LPP: variants seen among roughly 807,000 people sequenced by gnomAD.
The protein encoded by LPP is lipoma-preferred partner.
In LPP, 38 loss-of-function variants were observed where a neutral mutation model predicts 60.4. That is an observed-to-expected ratio of 0.63 (90% CI 0.49 to 0.83). The LOEUF (loss-of-function observed/expected upper bound fraction) is 0.83. LPP is among the 40% of genes least tolerant of loss of function. The pLI is 0.00. For synonymous variants in LPP, 328 were observed against 290.8 expected (o/e 1.13, Z -1.30); for missense variants, 902 against 783.6 (o/e 1.15, Z -1.80).
intron 6 of LPP, among the ~76,000 whole-genome samples, chr3:188,576,805 AG>A (rs1261237314): frequency 1.3e-5 from 2 of 152,202 alleles, no homozygotes; most frequent in Non-Finnish European, 2.9e-5. Context: ...CTCCATCACC[AG>A]TGAGCAGATT....
chr3:188,764,731 A>G (rs888983755), intron 9 of LPP, among the ~76,000 whole-genome samples: 1 of 152,206 alleles, frequency 6.6e-6, no homozygotes, highest in African/African-American at 2.4e-5. Flanking sequence ...GCCTAGGGAC[A>G]GAGTGCATCA....
intron 4 of LPP, among the ~76,000 whole-genome samples, chr3:188,460,862 C>A (rs1798814654): frequency 6.6e-6 from 1 of 152,084 alleles, no homozygotes; most frequent in Non-Finnish European, 1.5e-5. Flanking sequence ...CCCAGCCAGA[C>A]CTCAGCTTGT....
chr3:188,474,114 G>A (rs1363135035), intron 4 of LPP, among the ~76,000 whole-genome samples: 1 of 152,180 alleles, frequency 6.6e-6, no homozygotes, highest in Non-Finnish European at 1.5e-5. Flanking sequence ...AAGTTCATGT[G>A]TTCATTGTCT....
chr3:188,571,379 A>G (rs563938559), intron 6 of LPP, among the ~76,000 whole-genome samples: 70 of 152,178 alleles, frequency 4.6e-4, no homozygotes, highest in Admixed American at 1.4e-3. Context: ...CAATATTTTC[A>G]GAAGATAGGA....
At chr3:188,846,744 A>G (rs1560287529) in intron 9 of LPP, among the ~76,000 whole-genome samples, 1 of 151,972 alleles carries the variant, frequency 6.6e-6, no homozygotes, top group Non-Finnish European at 1.5e-5. Context: ...ACTGTAAGTA[A>G]TCTTATCTGG....
intron 6 of LPP, chr3:188,562,153 T>C (rs1830879891): frequency 6.6e-6 from 1 of 152,018 alleles, no homozygotes. Flanking sequence ...TTGCTCTTTT[T>C]ACCTCAGCCA....
At chr3:188,220,579 C>T (rs1715404646) in intron 1 of LPP, among the ~76,000 whole-genome samples, 1 of 152,186 alleles carries the variant, frequency 6.6e-6, no homozygotes, top group African/African-American at 2.4e-5. Flanking sequence ...TGATGTTGAG[C>T]TTCAGGCACA....
chr3:188,718,323 T>A (rs1714925221), intron 8 of LPP, among the ~76,000 whole-genome samples: 1 of 152,228 alleles, frequency 6.6e-6, no homozygotes, highest in South Asian at 2.1e-4. Context: ...TCCGATGGCA[T>A]GAAGAGGAAT....
At chr3:188,511,903 A>G (rs1051417913) in intron 5 of LPP, among the ~76,000 whole-genome samples, 7 of 152,126 alleles carry the variant, frequency 4.6e-5, no homozygotes, top group African/African-American at 1.7e-4. Context: ...GCTGCCTAGT[A>G]ATATTGCTGG....
chr3:188,767,396 T>G (rs1302833576), intron 9 of LPP, among the ~76,000 whole-genome samples: 2 of 152,166 alleles, frequency 1.3e-5, no homozygotes, highest in African/African-American at 4.8e-5. Context: ...AATGTATAAT[T>G]TAAAAATACT....
intron 2 of LPP, among the ~76,000 whole-genome samples, chr3:188,268,443 G>A (rs2149764921): frequency 6.6e-6 from 1 of 152,350 alleles, no homozygotes; most frequent in East Asian, 1.9e-4. Flanking sequence ...AAGAACATTT[G>A]TGGACAGAAC....
intron 9 of LPP, among the ~76,000 whole-genome samples, chr3:188,788,928 G>A (rs140160622): frequency 4.6e-5 from 7 of 152,146 alleles, no homozygotes; most frequent in East Asian, 1.9e-4. Context: ...CTGACTGTCC[G>A]TGTTGCATCA....
chr3:188,370,244 A>C (rs980101329), intron 3 of LPP, among the ~76,000 whole-genome samples: 2 of 152,106 alleles, frequency 1.3e-5, no homozygotes, highest in Non-Finnish European at 2.9e-5. Context: ...ATTATTAATC[A>C]CAGCCCACAT....
chr3:188,836,815 T>C (rs945164398), intron 9 of LPP, among the ~76,000 whole-genome samples: 2 of 152,220 alleles, frequency 1.3e-5, no homozygotes, highest in Non-Finnish European at 2.9e-5. Flanking sequence ...TTTATAAGGC[T>C]TGGTTCCCGG....
chr3:188,174,983 G>A (rs974270037), intron 1 of LPP, among the ~76,000 whole-genome samples: 5 of 152,234 alleles, frequency 3.3e-5, no homozygotes, highest in East Asian at 1.9e-4. Context: ...GGACCTTCTC[G>A]TCTGCCTGGA....
intron 6 of LPP, among the ~76,000 whole-genome samples, chr3:188,567,310 A>G (rs1007929947): frequency 6.6e-6 from 1 of 151,814 alleles, no homozygotes; most frequent in African/African-American, 2.4e-5. Context: ...TGATAATAGG[A>G]CCCATCTCAT....
chr3:188,717,744 A>G (rs1300029263), intron 8 of LPP, among the ~76,000 whole-genome samples: 4 of 152,238 alleles, frequency 2.6e-5, no homozygotes, highest in Non-Finnish European at 5.9e-5. Flanking sequence ...GCACTAAATA[A>G]ATAATAATTC....
chr3:188,155,141 T>C (rs1715853190), intron 1 of LPP, among the ~76,000 whole-genome samples: 1 of 152,056 alleles, frequency 6.6e-6, no homozygotes, highest in Non-Finnish European at 1.5e-5. Context: ...AGCTAATCAG[T>C]GGAATTGTGC....
chr3:188,735,890 T>C lies in LPP; in HGVS notation c.1241-24223T>C, dbSNP rs369442736. Among the ~76,000 whole-genome samples, 43 of 152,308 alleles carry C rather than the reference T, an allele frequency of 2.8e-4. 2 individuals are homozygous for C. In the South Asian group the frequency reaches 8.7e-3, roughly 31 times the overall value. On this transcript the variant is annotated intron_variant, in intron 8 of 11. Coordinates refer to ENST00000617246, the MANE Select transcript of LPP (RefSeq NM_001375462.1). ...GTCCCAGCAAGAGTTAGTGGGATTATGATTTATGAAAGACCTGTGTGGACA... is the reference window on the plus strand; with the variant it reads ...GTCCCAGCAAGAGTTAGTGGGATTACGATTTATGAAAGACCTGTGTGGACA...
Sources: gnomAD v4.1 joint callset for allele counts (sites outside exome capture counted in the v4.1 genomes callset) on GRCh38, gnomAD v4.1.1 for gene constraint, MANE v1.5 for transcripts, NCBI Gene and HGNC (gene_info 2026-07-23, HGNC 2026-07-21) for gene names.